RCAN2: variants seen among roughly 807,000 people sequenced by gnomAD.
The protein encoded by RCAN2 is calcipressin-2.
Under a neutral mutation model 23.6 loss-of-function variants are expected in RCAN2, and 9 were observed. That is an observed-to-expected ratio of 0.38 (90% confidence interval 0.23 to 0.67). The LOEUF (loss-of-function observed/expected upper bound fraction) is 0.67. Among genes scored for constraint, RCAN2 ranks in the 30% least tolerant of loss-of-function variants. RCAN2 has a pLI of 0.51. For missense variants in RCAN2, 273 were observed against 302.3 expected, an observed-to-expected ratio of 0.90 and a Z score of 0.72; for synonymous variants, 109 against 115.7, an observed-to-expected ratio of 0.94 and a Z score of 0.37.
chr6:46,436,178 T>C (rs1767357030), intron 2 of RCAN2, among the ~76,000 whole-genome samples: 1 of 152,216 alleles, frequency 6.6e-6, no homozygotes, highest in Non-Finnish European at 1.5e-5. Flanking sequence ...TGGTGCGTTA[T>C]GCAGCAACCA....
chr6:46,350,745 C>G (rs1764623805), intron 2 of RCAN2, among the ~76,000 whole-genome samples: 1 of 152,188 alleles, frequency 6.6e-6, no homozygotes, highest in Admixed American at 6.5e-5. Context: ...ATGCTGCCTA[C>G]CTTAATAGCT....
chr6:46,460,616 C>T (rs373234634), intron 1 of RCAN2, among the ~76,000 whole-genome samples: 2 of 152,266 alleles, frequency 1.3e-5, no homozygotes, highest in African/African-American at 4.8e-5. Flanking sequence ...ATAAAATTGT[C>T]CTCCAATGCA....
At chr6:46,458,869 A>G (rs1158036276) in intron 1 of RCAN2, among the ~76,000 whole-genome samples, 3 of 150,746 alleles carry the variant, frequency 2.0e-5, no homozygotes, top group Non-Finnish European at 4.4e-5. Flanking sequence ...CATTTTCATT[A>G]ATAGTTTACA....
chr6:46,310,370 C>A lies in RCAN2; in HGVS notation c.226-61474G>T, dbSNP rs1377453256. Among the ~76,000 whole-genome samples, 2 of 152,090 alleles carry A rather than the reference C, an allele frequency of 1.3e-5. 1 individual carries two copies. The highest frequency in any genetic ancestry group is 4.8e-5 in the African/African-American group (2 of 41,416). ...AGGTACTCTTGAGTTTATTTTACTT[C>A]CATGCACAAGAAAGAATCTGAAGCT... On this transcript the variant is annotated intron_variant, in intron 2 of 4. Coordinates refer to ENST00000371374, the MANE Select transcript of RCAN2 (RefSeq NM_001251974.2).
chr6:46,283,137 A>G (rs1402263340), intron 2 of RCAN2, among the ~76,000 whole-genome samples: 1 of 152,158 alleles, frequency 6.6e-6, no homozygotes, highest in African/African-American at 2.4e-5. Context: ...GCCCCTGGGT[A>G]AAGGATATTT....
intron 2 of RCAN2, among the ~76,000 whole-genome samples, chr6:46,297,610 A>G (rs946051437): frequency 5.9e-5 from 9 of 152,134 alleles, no homozygotes; most frequent in East Asian, 1.9e-4. Context: ...TTCAGATTCC[A>G]TGAAGGACCA....
At chr6:46,282,727 T>C (rs928074613) in intron 2 of RCAN2, among the ~76,000 whole-genome samples, 10 of 152,202 alleles carry the variant, frequency 6.6e-5, no homozygotes, top group African/African-American at 2.4e-4. Context: ...CTTGAAGTTA[T>C]TGATGGCCAA....
chr6:46,477,591 C>T (rs1325822235), intron 1 of RCAN2, among the ~76,000 whole-genome samples: 1 of 152,042 alleles, frequency 6.6e-6, no homozygotes, highest in Non-Finnish European at 1.5e-5. Context: ...ATACCTTGCA[C>T]AAAATAGGTT....
intron 2 of RCAN2, among the ~76,000 whole-genome samples, chr6:46,406,951 A>T (rs1185403814): frequency 1.3e-5 from 2 of 152,210 alleles, no homozygotes; most frequent in Non-Finnish European, 2.9e-5. Context: ...AAATACCCCC[A>T]AACTGGTCCC....
chr6:46,486,402 C>A (rs959852319), intron 1 of RCAN2, among the ~76,000 whole-genome samples: 2 of 152,170 alleles, frequency 1.3e-5, no homozygotes, highest in African/African-American at 2.4e-5. Context: ...CTCAAGGTCA[C>A]ATAGCAGGGA....
intron 2 of RCAN2, among the ~76,000 whole-genome samples, chr6:46,402,235 TTG>T (rs151112476): frequency 1.1e-4 from 17 of 151,724 alleles, no homozygotes; most frequent in African/African-American, 4.1e-4. Context: ...GTGTAAAAAT[TTG>T]TGTGTGTGTG....
chr6:46,315,428 G>C (rs984245211), intron 2 of RCAN2, among the ~76,000 whole-genome samples: 5 of 152,198 alleles, frequency 3.3e-5, no homozygotes, highest in African/African-American at 1.2e-4. Context: ...GTGGTAGTCA[G>C]GAACAGCTCT....
At chr6:46,300,000 G>T (rs1012363374) in intron 2 of RCAN2, among the ~76,000 whole-genome samples, 1 of 151,618 alleles carries the variant, frequency 6.6e-6, no homozygotes, top group African/African-American at 2.4e-5. Context: ...ATTATTAAAA[G>T]TATATATAGT....
intron 4 of RCAN2, among the ~76,000 whole-genome samples, chr6:46,228,714 C>T (rs994446239): frequency 2.6e-5 from 4 of 152,082 alleles, no homozygotes; most frequent in African/African-American, 9.7e-5. Context: ...ACTGATGGGT[C>T]TTGACTCTTT....
chr6:46,392,153 CAG>C (rs1177672637), intron 2 of RCAN2, among the ~76,000 whole-genome samples: 1 of 152,108 alleles, frequency 6.6e-6, no homozygotes, highest in Non-Finnish European at 1.5e-5. Flanking sequence ...CTATTAAATT[CAG>C]AGAGGAAACA....
intron 1 of RCAN2, among the ~76,000 whole-genome samples, chr6:46,489,717 G>A (rs959845506): frequency 8.5e-5 from 13 of 152,200 alleles, no homozygotes; most frequent in Admixed American, 2.6e-4. Flanking sequence ...AGAGCTCTCA[G>A]AATCATGTAG....
intron 2 of RCAN2, among the ~76,000 whole-genome samples, chr6:46,398,487 G>C (rs929554888): frequency 1.3e-5 from 2 of 152,086 alleles, no homozygotes; most frequent in African/African-American, 4.8e-5. Context: ...CCTTAACCCA[G>C]TAATATAGAC....
intron 2 of RCAN2, among the ~76,000 whole-genome samples, chr6:46,268,853 C>G (rs983560942): frequency 6.6e-6 from 1 of 152,168 alleles, no homozygotes; most frequent in African/African-American, 2.4e-5. Context: ...CCCATTATTT[C>G]TGGAAGGCAG....
chr6:46,223,022 A>G lies in RCAN2; in HGVS notation c.*119T>C, dbSNP rs1269411238. On this transcript the variant is annotated 3_prime_UTR_variant, in exon 5 of 5. Transcript: ENST00000371374. ...CTTTTGTCCGAGAGGCTTGATAACAAGGAAGGAATCTCAAACAACCAAACA... is the reference window on the plus strand; with the variant it reads ...CTTTTGTCCGAGAGGCTTGATAACAGGGAAGGAATCTCAAACAACCAAACA... 6.7e-6 allele frequency: 7 copies of G among 1,050,644 alleles called. No individual in the cohort carries two copies. The highest frequency in any genetic ancestry group is 5.7e-6 in the Non-Finnish European group (4 of 707,616). The allele number at this position is 1,050,644 out of a possible 1,614,324, so 65.1% of individuals were successfully genotyped here.
Sources: gnomAD v4.1 joint callset for allele counts (sites outside exome capture counted in the v4.1 genomes callset) on GRCh38, gnomAD v4.1.1 for gene constraint, MANE v1.5 for transcripts, NCBI Gene and HGNC (gene_info 2026-07-23, HGNC 2026-07-21) for gene names.